Variants in SPTBN1 observed in about 807,000 individuals in gnomAD.
The protein encoded by SPTBN1 is spectrin beta, non-erythrocytic 1, also known as spectrin beta chain, non-erythrocytic 1.
A neutral mutation model predicts 266.4 loss-of-function variants in SPTBN1; 32 were observed. The observed-to-expected ratio is 0.12, with a 90% confidence interval of 0.09 to 0.16. SPTBN1 has a LOEUF of 0.16. Among genes scored for constraint, SPTBN1 ranks in the 10% least tolerant of loss-of-function variants. The pLI, the probability that SPTBN1 is intolerant of heterozygous loss-of-function variation, is 1.00. For missense variants in SPTBN1, 2,296 were observed against 3,067.1 expected, an observed-to-expected ratio of 0.75 and a Z score of 5.94; for synonymous variants, 1,336 against 1,162.2, an observed-to-expected ratio of 1.15 and a Z score of -3.04.
chr2:54,550,926 T>C (rs898921983), intron 2 of SPTBN1, among the ~76,000 whole-genome samples: 16 of 152,190 alleles, frequency 1.1e-4, no homozygotes, highest in African/African-American at 3.9e-4. Context: ...GGAGTATGTC[T>C]TGACGATGAG....
chr2:54,531,041 C>G (rs947091550), intron 2 of SPTBN1, among the ~76,000 whole-genome samples: 10 of 152,094 alleles, frequency 6.6e-5, no homozygotes, highest in African/African-American at 2.2e-4. Flanking sequence ...ACATGGAAGC[C>G]CCACCTCACC....
chr2:54,519,442 G>A (rs1670296345), intron 1 of SPTBN1, among the ~76,000 whole-genome samples: 1 of 152,194 alleles, frequency 6.6e-6, no homozygotes, highest in Non-Finnish European at 1.5e-5. Context: ...GTGATTTGAG[G>A]AGGTTCCTGG....
chr2:54,595,466 C>A lies in SPTBN1; in HGVS notation c.149-3626C>A, dbSNP rs369600140. Among the ~76,000 whole-genome samples the A allele has an allele frequency of 5.6e-4, 86 of 152,304 alleles. 1 individual carries two copies. The highest frequency in any genetic ancestry group is 1.9e-3 in the African/African-American group (81 of 41,576). ...CTTCTTGGGGAGGACTTGATAACAG[C>A]GATACAAGGCCCAGAAAAGGTAAAC... is the stretch of plus-strand genomic sequence containing the variant. On this transcript the variant is annotated intron_variant, in intron 2 of 35. Transcript: ENST00000356805.
At chr2:54,550,196 G>A (rs1460484908) in intron 2 of SPTBN1, among the ~76,000 whole-genome samples, 1 of 152,156 alleles carries the variant, frequency 6.6e-6, no homozygotes, top group African/African-American at 2.4e-5. Flanking sequence ...CAGTAATCTG[G>A]AGCCTGCCTC....
chr2:54,620,042 CT>C (rs1443291375), intron 7 of SPTBN1, among the ~76,000 whole-genome samples: 1 of 152,194 alleles, frequency 6.6e-6, no homozygotes, highest in Non-Finnish European at 1.5e-5. Flanking sequence ...AAGTTGAGTG[CT>C]TACTCAATAT....
intron 1 of SPTBN1, among the ~76,000 whole-genome samples, chr2:54,525,643 A>C (rs1262135110): frequency 1.3e-5 from 2 of 152,288 alleles, no homozygotes; most frequent in Non-Finnish European, 2.9e-5. Flanking sequence ...GGAGAAGCTT[A>C]AAGATTATAA....
intron 1 of SPTBN1, among the ~76,000 whole-genome samples, chr2:54,496,759 G>T (rs554379908): frequency 6.6e-6 from 1 of 152,272 alleles, no homozygotes; most frequent in Admixed American, 6.5e-5. Flanking sequence ...AATACTTGAC[G>T]CTGATTAAGG....
chr2:54,533,691 C>T lies in SPTBN1; in HGVS notation c.148+7125C>T, dbSNP rs1253263483. 2.0e-5 allele frequency among the ~76,000 whole-genome samples: 3 copies of T among 152,126 alleles called. No individual in the cohort carries two copies. Among genetic ancestry groups the T allele is most frequent in the African/African-American group, 7.2e-5 (3 of 41,408 alleles). ...TCAGCTTCCCGAGTAGCTGGGACTACAGGCACCCGCCACCACACCTGGCTA... is the reference window on the plus strand; with the variant it reads ...TCAGCTTCCCGAGTAGCTGGGACTATAGGCACCCGCCACCACACCTGGCTA... On this transcript the variant is annotated intron_variant, in intron 2 of 35. Transcript: ENST00000356805. The surrounding 1 kb of genome is among the most constrained non-coding windows in gnomAD (Gnocchi z 4.2).
chr2:54,457,933 G>C (rs1035398938), intron 1 of SPTBN1, among the ~76,000 whole-genome samples: 1 of 152,266 alleles, frequency 6.6e-6, no homozygotes, highest in Admixed American at 6.5e-5. Context: ...GTTGCGGATC[G>C]GAATCTGATC....
At position 54,669,911 on chromosome 2, in the gene SPTBN1, A is replaced by G. The variant is rs1351666725; in HGVS notation, c.*1342A>G. ...TTATTTATGAAAAAGTTACCAGAGC[A>G]CTTGTGAAACCTGAACTCTGAGATA... On this transcript the variant is annotated 3_prime_UTR_variant, in exon 36 of 36. Transcript: ENST00000356805. 4 of 152,242 alleles carry G rather than the reference A, an allele frequency of 2.6e-5. No homozygotes were observed. Among genetic ancestry groups the G allele is most frequent in the Non-Finnish European group, 5.9e-5 (4 of 68,044 alleles). The allele number at this position is 152,242 out of a possible 1,614,324, so 9.4% of individuals were successfully genotyped here.
chr2:54,466,033 C>T (rs1693615500), intron 1 of SPTBN1, among the ~76,000 whole-genome samples: 1 of 152,142 alleles, frequency 6.6e-6, no homozygotes, highest in Non-Finnish European at 1.5e-5. Context: ...ATCAAGATTG[C>T]TTTAAAACTG....
At chr2:54,457,191 G>C (rs952886241) in intron 1 of SPTBN1, 1 of 59,488 alleles carries the variant, frequency 1.7e-5, no homozygotes, top group African/African-American at 6.8e-5. Flanking sequence ...CACTCTCCCA[G>C]GGCTGGGCGT....
intron 2 of SPTBN1, among the ~76,000 whole-genome samples, chr2:54,597,866 C>CTTTTTTTTTTTTT (rs531763576): frequency 2.4e-5 from 2 of 82,192 alleles, no homozygotes; most frequent in Non-Finnish European, 4.8e-5. Context: ...GAGCTATCTG[C>CTTTTTTTTTTTTT]TTTTTTTTTT....
intron 26 of SPTBN1, among the ~76,000 whole-genome samples, chr2:54,650,244 T>C (rs1680184662): frequency 1.3e-5 from 2 of 152,352 alleles, no homozygotes; most frequent in South Asian, 2.1e-4. Context: ...CATACACAGA[T>C]GTTTGCAAGT....
chr2:54,573,345 C>A (rs987284094), intron 2 of SPTBN1, among the ~76,000 whole-genome samples: 12 of 152,164 alleles, frequency 7.9e-5, no homozygotes, highest in Non-Finnish European at 1.6e-4. Context: ...GCATTAGATT[C>A]TTATTAAGGA....
chr2:54,501,133 T>G (rs570194862), intron 1 of SPTBN1, among the ~76,000 whole-genome samples: 1 of 152,140 alleles, frequency 6.6e-6, no homozygotes, highest in African/African-American at 2.4e-5. Context: ...ACAGTCAGGC[T>G]AGGCAGCTGC....
In SPTBN1 at chr2:54,537,115, G is replaced by C. The variant is rs534857959; in HGVS notation, c.148+10549G>C. ...CTGAAAAATCTATGTGACAGTGGCT[G>C]CTGTGGACCTGGAGGCATTACTTAT... On this transcript the variant is annotated intron_variant, in intron 2 of 35. Transcript: ENST00000356805. Among the ~76,000 whole-genome samples, 5 of 152,336 alleles carry C rather than the reference G, an allele frequency of 3.3e-5. No homozygotes were observed. In the East Asian group the frequency reaches 9.6e-4, roughly 29 times the overall value.
rs1426296541 is a variant in SPTBN1, at chr2:54,487,832, C to CTCTTTTTTTTTTTTTTTTTTTTTTTTTTT, written c.-48+31315_-48+31316insCTTTTTTTTTTTTTTTTTTTTTTTTTTTT. Among the ~76,000 whole-genome samples, 23 of 68,646 alleles carry CTCTTTTTTTTTTTTTTTTTTTTTTTTTTT rather than the reference C, an allele frequency of 3.4e-4. 3 individuals are homozygous for CTCTTTTTTTTTTTTTTTTTTTTTTTTTTT. The highest frequency in any genetic ancestry group is 3.3e-4 in the Non-Finnish European group (13 of 39,042). The allele number at this position is 68,646 out of a possible 152,430, so 45.0% of individuals were successfully genotyped here. A position where few individuals can be genotyped will look rare whatever the true frequency, so the allele number is the denominator to read the frequency against. On this transcript the variant is annotated intron_variant, in intron 1 of 35. Coordinates refer to ENST00000356805, the MANE Select transcript of SPTBN1 (RefSeq NM_003128.3). ...TTCACTTGATGGTCTCCTCCTGTGT[C>CTCTTTTTTTTTTTTTTTTTTTTTTTTTTT]TTTTTTTTTTTTTTTGAGACGGAGT...
chr2:54,621,252 T>G lies in SPTBN1; in HGVS notation c.764-148T>G, dbSNP rs963811487. On this transcript the variant is annotated intron_variant, in intron 7 of 35. Coordinates refer to ENST00000356805, the MANE Select transcript of SPTBN1 (RefSeq NM_003128.3). ...GGTTTAACCCTCATTATCCTTGTAA[T>G]TAATGCACGGATGGCAGAACACTCA... 7.4e-6 allele frequency: 4 copies of G among 543,110 alleles called. No homozygotes were observed. The African/African-American group carries it at 7.6e-5, about 10-fold the overall frequency. The allele number at this position is 543,110 out of a possible 1,614,324, so 33.6% of individuals were successfully genotyped here.
Sources: allele counts gnomAD v4.1 joint callset (sites outside exome capture counted in the v4.1 genomes callset), GRCh38; gene constraint gnomAD v4.1.1; non-coding constraint Gnocchi (gnomAD v3.1); transcripts MANE v1.5; gene names NCBI Gene and HGNC (gene_info 2026-07-23, HGNC 2026-07-21).